Variants in RGMA observed in about 807,000 individuals in gnomAD.
RGMA encodes the protein repulsive guidance molecule A.
Under a neutral mutation model 23.2 loss-of-function variants are expected in RGMA, and 10 were observed. That is an observed-to-expected ratio of 0.43 (90% confidence interval 0.27 to 0.73). The LOEUF (loss-of-function observed/expected upper bound fraction) is 0.73. Ranked by LOEUF, RGMA falls within the 30% of genes least tolerant of loss-of-function variation. RGMA has a pLI of 0.20. For synonymous variants in RGMA, 308 were observed against 279.3 expected, an observed-to-expected ratio of 1.10 and a Z score of -1.03; for missense variants, 547 against 630.5, an observed-to-expected ratio of 0.87 and a Z score of 1.42.
chr15:93,044,976 GCCTC>G lies in RGMA; in HGVS notation c.*18_*21del. On this transcript the variant is annotated 3_prime_UTR_variant, in exon 4 of 4. Transcript: ENST00000329082. ...GGGAAGCCGAGAGGACGGAGCCCGC[GCCTC>G]CCTCCACATCTACGCGTCTAGCAGA... is the stretch of plus-strand genomic sequence containing the variant. 3 of 1,566,982 alleles carry G rather than the reference GCCTC, an allele frequency of 1.9e-6. No individual in the cohort carries two copies. Among genetic ancestry groups the G allele is most frequent in the Non-Finnish European group, 2.6e-6 (3 of 1,152,584 alleles).
At chr15:93,088,857 T>C in intron 1 of RGMA, 62 bp downstream of exon 1, 1 of 1,421,292 alleles carries the variant, frequency 7.0e-7, no homozygotes. Flanking sequence ...GGCCCCGGCA[T>C]GTGTCGGCGG....
intron 1 of RGMA, among the ~76,000 whole-genome samples, chr15:93,085,325 C>G (rs1035849616): frequency 6.6e-6 from 1 of 152,172 alleles, no homozygotes; most frequent in Non-Finnish European, 1.5e-5. Flanking sequence ...CTCATACCCG[C>G]TGATCTCTGT....
chr15:93,051,983 T>A lies in RGMA; in HGVS notation c.645+10A>T, dbSNP rs2054928411. 2 of 1,585,342 alleles carry A rather than the reference T, an allele frequency of 1.3e-6. No individual in the cohort carries two copies. Among genetic ancestry groups the A allele is most frequent in the Non-Finnish European group, 1.7e-6 (2 of 1,167,728 alleles). On this transcript the variant is annotated intron_variant, in intron 3 of 3. Coordinates refer to ENST00000329082, the MANE Select transcript of RGMA (RefSeq NM_020211.3). Reference sequence around the variant, plus strand: ...AGGGCTGTGCCCTACAGCCGCCCCCTCCCCCTTACCTTGCTGGTGGCAGTG... The same window carrying A: ...AGGGCTGTGCCCTACAGCCGCCCCCACCCCCTTACCTTGCTGGTGGCAGTG...
intron 1 of RGMA, chr15:93,088,247 T>C: frequency 3.1e-6 from 3 of 979,826 alleles, no homozygotes; most frequent in South Asian, 4.7e-5. Flanking sequence ...GCCCTCCCAT[T>C]GAATACACCT....
chr15:93,051,103 G>A (rs2054911314), intron 3 of RGMA, among the ~76,000 whole-genome samples: 4 of 152,348 alleles, frequency 2.6e-5, no homozygotes, highest in South Asian at 2.1e-4. Context: ...CTTATTTCCC[G>A]CCCAGCCAGG....
chr15:93,073,925 G>A (rs1895424622), intron 1 of RGMA: 1 of 1,436,412 alleles, frequency 7.0e-7, no homozygotes, highest in East Asian at 2.5e-5. Context: ...GGCGCGCAGG[G>A]CCGGATGGTT....
chr15:93,071,586 G>A (rs1895323977), intron 2 of RGMA, among the ~76,000 whole-genome samples: 1 of 152,182 alleles, frequency 6.6e-6, no homozygotes, highest in Non-Finnish European at 1.5e-5. Flanking sequence ...CTGAGCTGGC[G>A]CTGGGGGCCA....
intron 3 of RGMA, 77 bp downstream of exon 3, chr15:93,051,916 C>T (rs564169670): frequency 1.3e-5 from 19 of 1,434,024 alleles, no homozygotes; most frequent in South Asian, 1.3e-4. Flanking sequence ...ACCCGAGGCC[C>T]TCTCAGCCTC....
In RGMA at chr15:93,052,313, G is replaced by A; in HGVS notation, c.325C>T (p.Leu109Phe). 1.9e-6 allele frequency: 3 copies of A among 1,604,106 alleles called. No homozygotes were observed. The highest frequency in any genetic ancestry group is 2.5e-6 in the Non-Finnish European group (3 of 1,178,938). ...YHSAVHGIED[L>F]MSQHNCSKDG... ...TTGGAGCAGTTGTGCTGGCTCATGA[G>A]GTCCTCTATGCCATGGACGGCCGAG... is the stretch of plus-strand genomic sequence containing the variant. Residue 109 changes from leucine (L) to phenylalanine (F), a missense_variant, in exon 3 of 4, where the codon CTC becomes TTC. Leu to Phe is a conservative substitution (Grantham distance 22). Around this residue, in one of 3 missense-constraint regions of RGMA, gnomAD observed 214 missense variants for 234.7 expected, o/e 0.91. Transcript: ENST00000329082.
At chr15:93,051,243 C>A (rs2054913959) in intron 3 of RGMA, among the ~76,000 whole-genome samples, 1 of 152,148 alleles carries the variant, frequency 6.6e-6, no homozygotes, top group Admixed American at 6.5e-5. Context: ...TGGGAAGGAA[C>A]AGAAACGCCC....
At chr15:93,076,070 C>T (rs966841694) in intron 1 of RGMA, among the ~76,000 whole-genome samples, 3 of 152,196 alleles carry the variant, frequency 2.0e-5, no homozygotes, top group Admixed American at 6.5e-5. Flanking sequence ...GCACTCCGTT[C>T]GCCATAGAAA....
intron 2 of RGMA, among the ~76,000 whole-genome samples, chr15:93,064,374 A>G (rs1376568894): frequency 6.6e-6 from 1 of 152,208 alleles, no homozygotes; most frequent in Non-Finnish European, 1.5e-5. Flanking sequence ...GCTTTGAGGC[A>G]TACCTCCTTC....
intron 1 of RGMA, among the ~76,000 whole-genome samples, chr15:93,080,154 C>G (rs1428827835): frequency 6.6e-6 from 1 of 151,868 alleles, no homozygotes; most frequent in Non-Finnish European, 1.5e-5. Context: ...AAAAAATTAC[C>G]AAATATTGCC....
In RGMA at chr15:93,045,794, G is replaced by A. The variant is rs973008504; in HGVS notation, c.646-89C>T. On this transcript the variant is annotated intron_variant, in intron 3 of 3. Coordinates refer to ENST00000329082, the MANE Select transcript of RGMA (RefSeq NM_020211.3). The surrounding 1 kb of genome is among the most constrained non-coding windows in gnomAD (Gnocchi z 6.9). ...TTAAGATGCTCTAGACTGAGAGGAG[G>A]GCAGGAAGGATCCCCAGGGATGCCC... 19 of 976,530 alleles carry A rather than the reference G, an allele frequency of 1.9e-5. No homozygotes were observed. The highest frequency in any genetic ancestry group is 2.3e-4 in the Middle Eastern group (1 of 4,344). The allele number at this position is 976,530 out of a possible 1,614,324, so 60.5% of individuals were successfully genotyped here. A position where few individuals can be genotyped will look rare whatever the true frequency, so the allele number is the denominator to read the frequency against.
chr15:93,056,398 GCC>G (rs1491489918), intron 2 of RGMA, among the ~76,000 whole-genome samples: 1 of 151,826 alleles, frequency 6.6e-6, no homozygotes, highest in Non-Finnish European at 1.5e-5. Context: ...GCTAAGAAGC[GCC>G]TGAGACGAGG....
chr15:93,046,500 C>T (rs928255078), intron 3 of RGMA, among the ~76,000 whole-genome samples: 5 of 151,996 alleles, frequency 3.3e-5, no homozygotes, highest in African/African-American at 7.3e-5. Flanking sequence ...GCTACAGTGG[C>T]GATAGGAAAT....
intron 2 of RGMA, among the ~76,000 whole-genome samples, chr15:93,061,504 G>A (rs1490465775): frequency 9.9e-5 from 15 of 152,216 alleles, no homozygotes; most frequent in Admixed American, 9.8e-4. Context: ...CTGTGCCCGG[G>A]AGATGCACTT....
Position 93,044,805 on chromosome 15 carries a change from C to T in RGMA, c.*193G>A. On this transcript the variant is annotated 3_prime_UTR_variant, in exon 4 of 4. Coordinates refer to ENST00000329082, the MANE Select transcript of RGMA (RefSeq NM_020211.3). ...AGCTCTACTGTCAAACATCATGGCA[C>T]CAGTCACCACAACCTTGTCACGTGC... 1.7e-6 allele frequency: 1 copy of T among 601,180 alleles called. No individual in the cohort carries two copies. Among genetic ancestry groups the T allele is most frequent in the Non-Finnish European group, 3.0e-6 (1 of 338,030 alleles). The allele number at this position is 601,180 out of a possible 1,614,324, so 37.2% of individuals were successfully genotyped here.
chr15:93,064,239 C>T (rs141459001), intron 2 of RGMA, among the ~76,000 whole-genome samples: 5 of 152,224 alleles, frequency 3.3e-5, no homozygotes, highest in African/African-American at 9.7e-5. Flanking sequence ...GATTCCACGC[C>T]GGCACCATCC....
Sources: allele counts gnomAD v4.1 joint callset (sites outside exome capture counted in the v4.1 genomes callset), GRCh38; gene constraint gnomAD v4.1.1; regional missense constraint gnomAD v4.1.1; non-coding constraint Gnocchi (gnomAD v3.1); transcripts MANE v1.5; gene names NCBI Gene and HGNC (gene_info 2026-07-23, HGNC 2026-07-21).